USP6NL: variants seen among roughly 807,000 people sequenced by gnomAD.
The protein encoded by USP6NL is USP6 N-terminal-like protein.
In USP6NL, 26 loss-of-function variants were observed where a neutral mutation model predicts 61.9. The ratio of observed to expected loss-of-function variants is 0.42; its 90% CI spans 0.31 to 0.58. The LOEUF is 0.58. Ranked by LOEUF, USP6NL falls within the 20% of genes least tolerant of loss-of-function variation. USP6NL has a pLI of 0.16. For missense variants in USP6NL, 1,114 were observed against 1,034.3 expected (o/e 1.08, Z -1.06); for synonymous variants, 432 against 390.1 (o/e 1.11, Z -1.27).
In USP6NL at chr10:11,465,497, T is replaced by C. The variant is rs985579181; in HGVS notation, c.1079-1648A>G. Among the ~76,000 whole-genome samples the C allele has an allele frequency of 6.6e-6, 1 of 152,178 alleles. No homozygotes were observed. The highest frequency in any genetic ancestry group is 1.5e-5 in the Non-Finnish European group (1 of 68,024). On this transcript the variant is annotated intron_variant, in intron 14 of 14. Transcript: ENST00000609104. The surrounding 1 kb of genome is among the most constrained non-coding windows in gnomAD (Gnocchi z 4.5). Reference sequence around the variant, plus strand: ...GGCCTGCAGAGAGCCACCAACTTTTTAGCTCACATGAAATAATTTAAAATG... The same window carrying C: ...GGCCTGCAGAGAGCCACCAACTTTTCAGCTCACATGAAATAATTTAAAATG...
intron 2 of USP6NL, among the ~76,000 whole-genome samples, chr10:11,552,384 A>C (rs1000738368): frequency 1.3e-5 from 2 of 152,240 alleles, no homozygotes; most frequent in Non-Finnish European, 2.9e-5. Context: ...CTACAATGTT[A>C]ATCATAATCC....
chr10:11,508,764 A>G (rs953574015), intron 6 of USP6NL, among the ~76,000 whole-genome samples: 4 of 152,254 alleles, frequency 2.6e-5, no homozygotes, highest in African/African-American at 9.6e-5. Context: ...AAAAGTGCTT[A>G]GGATGAAATT....
chr10:11,499,033 G>C lies in USP6NL; in HGVS notation c.384+2068C>G, dbSNP rs1834063887. On this transcript the variant is annotated intron_variant, in intron 7 of 14. Transcript: ENST00000609104. The surrounding 1 kb of genome is among the most constrained non-coding windows in gnomAD (Gnocchi z 4.5). Reference sequence around the variant, plus strand: ...TTATGGGGACAAGAAAGGACAAACAGGCCACCAGGGGAACTTGAAGGACTG... The same window carrying C: ...TTATGGGGACAAGAAAGGACAAACACGCCACCAGGGGAACTTGAAGGACTG... Among the ~76,000 whole-genome samples the C allele has an allele frequency of 6.6e-6, 1 of 152,154 alleles. No individual in the cohort carries two copies. The highest frequency in any genetic ancestry group is 1.5e-5 in the Non-Finnish European group (1 of 68,030).
chr10:11,464,145 T>C (rs947405841), intron 14 of USP6NL, among the ~76,000 whole-genome samples: 1 of 152,230 alleles, frequency 6.6e-6, no homozygotes, highest in African/African-American at 2.4e-5. Context: ...CCTCTGAGCA[T>C]GGGCCTTGAG....
chr10:11,572,310 G>T (rs188122199), intron 2 of USP6NL, among the ~76,000 whole-genome samples: 11 of 152,118 alleles, frequency 7.2e-5, no homozygotes, highest in Admixed American at 7.2e-4. Context: ...TTAGAGATGG[G>T]AATGTAGTTT....
chr10:11,489,336 G>A lies in USP6NL; in HGVS notation c.544-114C>T, dbSNP rs1210047155. On this transcript the variant is annotated intron_variant, in intron 9 of 14. Transcript: ENST00000609104. The surrounding 1 kb of genome is among the most constrained non-coding windows in gnomAD (Gnocchi z 5.7). ...AAAATGCCTACACACATCATTTAAT[G>A]GTCCATTCTAGAGACAAATACTATA... 2 of 1,359,612 alleles carry A rather than the reference G, an allele frequency of 1.5e-6. No individual in the cohort carries two copies. The highest frequency in any genetic ancestry group is 2.9e-5 in the African/African-American group (2 of 69,214). 84.2% of individuals were successfully genotyped at this position (1,359,612 alleles called of 1,614,324 possible).
At chr10:11,469,604 T>A (rs1342034272) in intron 14 of USP6NL, among the ~76,000 whole-genome samples, 1 of 152,170 alleles carries the variant, frequency 6.6e-6, no homozygotes, top group Non-Finnish European at 1.5e-5. Context: ...TGCAGAGATT[T>A]TCAATAAGGA....
At position 11,514,530 on chromosome 10, in the gene USP6NL, G is replaced by A. The variant is rs546048704; in HGVS notation, c.195+4005C>T. Among the ~76,000 whole-genome samples the A allele has an allele frequency of 8.3e-4, 127 of 152,168 alleles. 2 individuals carry two copies. Among genetic ancestry groups the A allele is most frequent in the South Asian group, 2.3e-3 (11 of 4,816 alleles). On this transcript the variant is annotated intron_variant, in intron 5 of 14. Transcript: ENST00000609104. ...TTGAACCTCAAACTGTCCCCTAGGAGGTGGCTTAGACTACTTCCCGTCTGA... is the reference window on the plus strand; with the variant it reads ...TTGAACCTCAAACTGTCCCCTAGGAAGTGGCTTAGACTACTTCCCGTCTGA...
intron 14 of USP6NL, among the ~76,000 whole-genome samples, chr10:11,475,219 TTTTAAGGTAACCAAAGAGTTACA>T (rs1389144612): frequency 2.0e-5 from 3 of 151,880 alleles, no homozygotes; most frequent in Admixed American, 2.0e-4. Flanking sequence ...ACTAACTACA[TTTTAAGGTAACCAAAGAGTTACA>T]TTTAAGGTAA....
At chr10:11,497,658 T>C (rs1314724252) in intron 7 of USP6NL, among the ~76,000 whole-genome samples, 2 of 152,072 alleles carry the variant, frequency 1.3e-5, no homozygotes, top group African/African-American at 2.4e-5. Flanking sequence ...AAAGGCCTCA[T>C]GGTGGAAGAA....
rs746602787 is a variant in USP6NL at position 11,496,694 on chromosome 10, T to A, written c.385-3466A>T. ...TAATACGGACTTCTGCTTGAATCAA[T>A]TCCAATAAATATACATAAAAACATA... On this transcript the variant is annotated intron_variant, in intron 7 of 14. Transcript: ENST00000609104. This position sits in a 1 kb window ranked among gnomAD's most constrained non-coding sequence, Gnocchi z 5.4. Among the ~76,000 whole-genome samples, 1 of 152,108 alleles carries A rather than the reference T, an allele frequency of 6.6e-6. No homozygotes were observed. The highest frequency in any genetic ancestry group is 1.5e-5 in the Non-Finnish European group (1 of 68,008).
Position 11,489,894 on chromosome 10 carries a change from A to C in USP6NL, c.544-672T>G, listed in dbSNP as rs1833637293. ...GTACTGGAACAGAATGCTCACAATG[A>C]ATCTGTGGGTGCAATCTGAGCCGCA... On this transcript the variant is annotated intron_variant, in intron 9 of 14. Transcript: ENST00000609104. This position sits in a 1 kb window ranked among gnomAD's most constrained non-coding sequence, Gnocchi z 5.7. 6.6e-6 allele frequency among the ~76,000 whole-genome samples: 1 copy of C among 152,192 alleles called. No individual in the cohort carries two copies. The highest frequency in any genetic ancestry group is 2.4e-5 in the African/African-American group (1 of 41,430).
At position 11,561,588 on chromosome 10, in the gene USP6NL, C is replaced by T. The variant is rs1836931838; in HGVS notation, c.5-34021G>A. ...CTCTTCTTAATACTATTGTACTTCA[C>T]TATATGGATTTGCCATAATGCACTA... On this transcript the variant is annotated intron_variant, in intron 2 of 14. Coordinates refer to ENST00000609104, the MANE Select transcript of USP6NL (RefSeq NM_014688.5). The surrounding 1 kb of genome is among the most constrained non-coding windows in gnomAD (Gnocchi z 4.1). 6.6e-6 allele frequency among the ~76,000 whole-genome samples: 1 copy of T among 152,218 alleles called. No homozygotes were observed. The highest frequency in any genetic ancestry group is 1.5e-5 in the Non-Finnish European group (1 of 68,042).
In USP6NL at chr10:11,463,417, A is replaced by G. The variant is rs755125955; in HGVS notation, c.1511T>C (p.Met504Thr). ...GTGCGCTGCTCGACCTTTGCCTTCC[A>G]TGGTGTATTTGGCAGTTCTCTCTGT... ...SATERTAKYTMEGKGRAAHPA... is the reference protein window; with the variant it reads ...SATERTAKYTTEGKGRAAHPA... Residue 504 changes from methionine to threonine, a missense_variant, in exon 15 of 15, where the codon ATG (methionine) becomes ACG (threonine). Transcript: ENST00000609104. The surrounding 1 kb of genome is among the most constrained non-coding windows in gnomAD (Gnocchi z 6.3). 12 of 1,613,836 alleles carry G rather than the reference A, an allele frequency of 7.4e-6. No homozygotes were observed. Among genetic ancestry groups the G allele is most frequent in the Non-Finnish European group, 1.0e-5 (12 of 1,179,886 alleles).
chr10:11,555,109 G>C (rs375922777), intron 2 of USP6NL, among the ~76,000 whole-genome samples: 1 of 85,572 alleles, frequency 1.2e-5, no homozygotes, highest in African/African-American at 4.2e-5. Context: ...TTTTTTTTTG[G>C]TTTTTTTTTT....
In USP6NL at chr10:11,485,171, G is replaced by C. The variant is rs749286362; in HGVS notation, c.823C>G (p.Arg275Gly). The stretch of plus-strand genomic sequence containing the variant: ...GAGTTTTGTAAATAAATACTTACAC[G>C]ATCAAGGAAACACTGAAAAAACCAT... ...MKWFFQCFLD[R>G]TPFTLNLRIW... is the part of the protein sequence containing the mutation. The change falls in exon 12 of 15, where the codon CGT (arginine) becomes GGT (glycine). Residue 275 changes from arginine (R) to glycine (G), a missense_variant and splice_region_variant. Physicochemically the swap from Arg to Gly is moderately radical, Grantham distance 125. Transcript: ENST00000609104. The surrounding 1 kb of genome is among the most constrained non-coding windows in gnomAD (Gnocchi z 4.8). 1 of 1,538,924 alleles carries C rather than the reference G, an allele frequency of 6.5e-7. No individual in the cohort carries two copies. Among genetic ancestry groups the C allele is most frequent in the African/African-American group, 1.4e-5 (1 of 72,140 alleles).
chr10:11,512,953 T>C (rs555926431), intron 5 of USP6NL, among the ~76,000 whole-genome samples: 21 of 152,240 alleles, frequency 1.4e-4, no homozygotes, highest in Non-Finnish European at 2.1e-4. Flanking sequence ...TTGTCTCATC[T>C]ATAAAACGAG....
At chr10:11,475,596 C>CAAAAAAAAAAAAAAAAAAAAAAA (rs35589300) in intron 14 of USP6NL, among the ~76,000 whole-genome samples, 1 of 38,726 alleles carries the variant, frequency 2.6e-5, no homozygotes, top group African/African-American at 1.1e-4. Flanking sequence ...AACTCTGTCG[C>CAAAAAAAAAAAAAAAAAAAAAAA]AAAAAAAAAA....
chr10:11,607,041 G>C (rs571524917), intron 1 of USP6NL, among the ~76,000 whole-genome samples: 2 of 152,150 alleles, frequency 1.3e-5, no homozygotes, highest in African/African-American at 4.8e-5. Flanking sequence ...CCACCCACCT[G>C]GCCCTCCAAA....
Sources: allele counts gnomAD v4.1 joint callset (sites outside exome capture counted in the v4.1 genomes callset), GRCh38; gene constraint gnomAD v4.1.1; non-coding constraint Gnocchi (gnomAD v3.1); transcripts MANE v1.5; gene names NCBI Gene and HGNC (gene_info 2026-07-23, HGNC 2026-07-21).